The following CDH18 variants were observed in gnomAD, a reference collection of about 807,000 sequenced individuals.
CDH18 encodes the protein cadherin-18.
In CDH18, 31 loss-of-function variants were observed where a neutral mutation model predicts 67.9. The observed-to-expected ratio is 0.46, with a 90% CI of 0.34 to 0.62. The LOEUF is 0.62. Among genes scored for constraint, CDH18 ranks in the 20% least tolerant of loss-of-function variants. CDH18 has a pLI of 0.01. For missense variants in CDH18, 890 were observed against 975.5 expected, an observed-to-expected ratio of 0.91 and a Z score of 1.17; for synonymous variants, 362 against 347.2, an observed-to-expected ratio of 1.04 and a Z score of -0.48.
At chr5:20,082,260 A>C (rs558109699) in intron 2 of CDH18, among the ~76,000 whole-genome samples, 1 of 152,308 alleles carries the variant, frequency 6.6e-6, no homozygotes, top group East Asian at 1.9e-4. Flanking sequence ...GCATTAAAAT[A>C]TATTTTTGGA....
intron 10 of CDH18, among the ~76,000 whole-genome samples, chr5:19,514,839 T>G (rs984644070): frequency 6.6e-6 from 1 of 152,194 alleles, no homozygotes; most frequent in Non-Finnish European, 1.5e-5. Flanking sequence ...GTGCTGAAGG[T>G]TTTTAGTTTA....
intron 1 of CDH18, among the ~76,000 whole-genome samples, chr5:20,450,785 A>G (rs1750386916): frequency 6.6e-6 from 1 of 152,206 alleles, no homozygotes; most frequent in South Asian, 2.1e-4. Flanking sequence ...TGATGCTAAT[A>G]AAGATATTTC....
intron 2 of CDH18, among the ~76,000 whole-genome samples, chr5:20,021,457 A>G (rs764726527): frequency 4.6e-5 from 7 of 152,086 alleles, no homozygotes; most frequent in Non-Finnish European, 5.9e-5. Context: ...ATAATCCCCA[A>G]TGTTGAAGGA....
Position 20,078,780 on chromosome 5 carries a change from T to G in CDH18, c.-517-86766A>C, listed in dbSNP as rs190436507. Among the ~76,000 whole-genome samples, 1,472 of 151,998 alleles carry G rather than the reference T, an allele frequency of 9.7e-3. 15 individuals carry two copies. The highest frequency in any genetic ancestry group is 0.015 in the South Asian group (72 of 4,810). On this transcript the variant is annotated intron_variant, in intron 2 of 14. Coordinates refer to the CDH18 transcript ENST00000507958. ...ACCACGCCCAGCTAATATATTTTTTTTGTGTGTGTGTTTTTAGCAGAGACA... is the reference window on the plus strand; with the variant it reads ...ACCACGCCCAGCTAATATATTTTTTGTGTGTGTGTGTTTTTAGCAGAGACA...
intron 2 of CDH18, among the ~76,000 whole-genome samples, chr5:20,097,217 T>A (rs1746064035): frequency 6.6e-6 from 1 of 152,190 alleles, no homozygotes; most frequent in East Asian, 1.9e-4. Context: ...CATTGCACAT[T>A]TTTTTCACTC....
chr5:20,425,860 ATTG>A (rs1748261061), intron 1 of CDH18, among the ~76,000 whole-genome samples: 1 of 150,980 alleles, frequency 6.6e-6, no homozygotes, highest in Middle Eastern at 3.4e-3. Flanking sequence ...TATCATTTTT[ATTG>A]TTGTTGTTTT....
chr5:19,579,450 C>A (rs190054250), intron 7 of CDH18, among the ~76,000 whole-genome samples: 2 of 150,594 alleles, frequency 1.3e-5, no homozygotes, highest in East Asian at 3.9e-4. Flanking sequence ...GAGTGAAGTT[C>A]TATTTTTGTT....
chr5:19,723,591 G>A (rs1766400242), intron 4 of CDH18, among the ~76,000 whole-genome samples: 1 of 152,160 alleles, frequency 6.6e-6, no homozygotes, highest in Admixed American at 6.5e-5. Context: ...TGTTTAGAAT[G>A]CTGAGAAACT....
chr5:20,342,807 A>G (rs1019167263), intron 1 of CDH18, among the ~76,000 whole-genome samples: 5 of 152,164 alleles, frequency 3.3e-5, no homozygotes, highest in Admixed American at 1.3e-4. Flanking sequence ...AAGTTGGTCC[A>G]CCATGAGTGA....
chr5:20,528,110 T>G (rs1351011061), intron 1 of CDH18, among the ~76,000 whole-genome samples: 1 of 151,982 alleles, frequency 6.6e-6, no homozygotes, highest in Non-Finnish European at 1.5e-5. Flanking sequence ...GGGGTTGCAA[T>G]CCTAGTTTCT....
At chr5:19,673,766 C>T (rs1252107785) in intron 5 of CDH18, among the ~76,000 whole-genome samples, 1 of 151,942 alleles carries the variant, frequency 6.6e-6, no homozygotes, top group African/African-American at 2.4e-5. Flanking sequence ...CAATTATAAA[C>T]ACATTTAATT....
intron 5 of CDH18, among the ~76,000 whole-genome samples, chr5:19,619,124 C>G (rs1278541224): frequency 6.6e-6 from 1 of 151,984 alleles, no homozygotes; most frequent in Non-Finnish European, 1.5e-5. Flanking sequence ...GTATAGAAAA[C>G]AAAAATAATC....
intron 1 of CDH18, among the ~76,000 whole-genome samples, chr5:20,495,656 G>C (rs1320947048): frequency 2.6e-5 from 4 of 152,092 alleles, no homozygotes; most frequent in African/African-American, 4.8e-5. Flanking sequence ...AAACAAGAAA[G>C]AGTTTATACT....
intron 4 of CDH18, among the ~76,000 whole-genome samples, chr5:19,723,692 A>G (rs1311769464): frequency 2.0e-5 from 3 of 152,024 alleles, no homozygotes; most frequent in Non-Finnish European, 2.9e-5. Flanking sequence ...TGAATAGGGC[A>G]TTTTATTTTT....
chr5:19,677,882 C>T (rs1357502995), intron 5 of CDH18, among the ~76,000 whole-genome samples: 1 of 151,770 alleles, frequency 6.6e-6, no homozygotes, highest in East Asian at 1.9e-4. Flanking sequence ...GGCATTACAC[C>T]ATGGTAAAGG....
At chr5:20,272,599 C>T (rs1745518669) in intron 1 of CDH18, among the ~76,000 whole-genome samples, 1 of 151,790 alleles carries the variant, frequency 6.6e-6, no homozygotes, top group East Asian at 1.9e-4. Flanking sequence ...TAATAAACAG[C>T]CCATACTATT....
At chr5:20,083,313 A>C (rs562217524) in intron 2 of CDH18, among the ~76,000 whole-genome samples, 4 of 152,362 alleles carry the variant, frequency 2.6e-5, no homozygotes, top group African/African-American at 9.6e-5. Flanking sequence ...TAGGTCATGA[A>C]GACAGGCATA....
At chr5:20,298,975 G>C (rs1389922913) in intron 1 of CDH18, among the ~76,000 whole-genome samples, 2 of 152,156 alleles carry the variant, frequency 1.3e-5, no homozygotes, top group Admixed American at 1.3e-4. Flanking sequence ...AGTAGAGTAA[G>C]ATGGGGAGAT....
chr5:20,566,526 ATTT>A (rs33950954), intron 1 of CDH18, among the ~76,000 whole-genome samples: 5 of 97,374 alleles, frequency 5.1e-5, no homozygotes, highest in East Asian at 2.7e-4. Context: ...TGCCCAGCTA[ATTT>A]TTTTTTTTTT....
Sources: allele counts gnomAD v4.1 joint callset (sites outside exome capture counted in the v4.1 genomes callset), GRCh38; gene constraint gnomAD v4.1.1; transcripts MANE v1.5; gene names NCBI Gene and HGNC (gene_info 2026-07-23, HGNC 2026-07-21).